The following USP32 variants were observed in gnomAD, a reference collection of about 807,000 sequenced individuals.
USP32 encodes the protein ubiquitin specific peptidase 32, also known as ubiquitin carboxyl-terminal hydrolase 32.
Under a neutral mutation model 204.8 loss-of-function variants are expected in USP32, and 59 were observed. The observed-to-expected ratio is 0.29, with a 90% CI of 0.23 to 0.36. The LOEUF (loss-of-function observed/expected upper bound fraction) is 0.36, where lower values mean the gene tolerates loss of function less well. USP32 is among the 10% of genes least tolerant of loss of function. The pLI is 1.00. For missense variants in USP32, 1,160 were observed against 1,946.4 expected, an observed-to-expected ratio of 0.60 and a Z score of 7.60; for synonymous variants, 517 against 678.4, an observed-to-expected ratio of 0.76 and a Z score of 3.70.
At chr17:60,331,868 C>T (rs1183917709) in intron 2 of USP32, among the ~76,000 whole-genome samples, 1 of 147,796 alleles carries the variant, frequency 6.8e-6, no homozygotes, top group Non-Finnish European at 1.5e-5. Context: ...CACTGTACTC[C>T]AGCCTGGCCA....
chr17:60,316,844 A>AAAAC (rs753384170), intron 2 of USP32, among the ~76,000 whole-genome samples: 22 of 152,104 alleles, frequency 1.4e-4, no homozygotes, highest in Non-Finnish European at 5.9e-5. Flanking sequence ...TTGACTCATA[A>AAAAC]AAACAAACAA....
chr17:60,182,934 G>A (rs2084150653), intron 31 of USP32, among the ~76,000 whole-genome samples: 1 of 152,164 alleles, frequency 6.6e-6, no homozygotes, highest in African/African-American at 2.4e-5. Flanking sequence ...CTCTCCATGT[G>A]TCACTCTCAA....
intron 1 of USP32, among the ~76,000 whole-genome samples, chr17:60,384,854 T>C (rs1450880793): frequency 6.6e-6 from 1 of 151,488 alleles, no homozygotes; most frequent in African/African-American, 2.4e-5. Context: ...ACGCCTGTAA[T>C]TCCAGCATTT....
chr17:60,418,558 C>A (rs2090080612), intron 1 of USP32, among the ~76,000 whole-genome samples: 1 of 151,964 alleles, frequency 6.6e-6, no homozygotes, highest in South Asian at 2.1e-4. Context: ...AATAAATTAT[C>A]AATAGAGTAA....
At chr17:60,205,775 A>T in intron 25 of USP32, 117 bp from the exon 26 acceptor site, 2 of 1,121,016 alleles carry the variant, frequency 1.8e-6, no homozygotes. Context: ...GGCAGGGAGA[A>T]ATCACAGTAT....
chr17:60,392,712 C>T (rs868258025), upstream of USP32: 28 of 424,358 alleles, frequency 6.6e-5, no homozygotes, highest in Middle Eastern at 2.0e-3. Context: ...AAAGGAGAAT[C>T]TCAAGGCTTT....
intron 5 of USP32, among the ~76,000 whole-genome samples, chr17:60,274,696 A>AT (rs530538686): frequency 1.4e-3 from 203 of 149,474 alleles, no homozygotes; most frequent in Middle Eastern, 3.5e-3. Context: ...CAAAGTACAG[A>AT]TTTTTTTTTT....
chr17:60,228,220 T>G (rs891927573), intron 12 of USP32, among the ~76,000 whole-genome samples: 1 of 152,120 alleles, frequency 6.6e-6, no homozygotes, highest in Admixed American at 6.6e-5. Flanking sequence ...AGACAGGGTT[T>G]CACCATGCTG....
chr17:60,366,747 G>T (rs889237547), intron 1 of USP32, among the ~76,000 whole-genome samples: 86 of 145,208 alleles, frequency 5.9e-4, no homozygotes, highest in Non-Finnish European at 1.1e-3. Flanking sequence ...AAAAAAGTTG[G>T]TTTTTTTTTT....
At chr17:60,392,535 A>C (rs2089860929), upstream of USP32, 1 of 381,416 alleles carries the variant, frequency 2.6e-6, no homozygotes, top group Non-Finnish European at 5.3e-6. Flanking sequence ...GGGTCCGAGC[A>C]GCTGACGGTT....
rs1285177658 is a variant in USP32, at chr17:60,194,140, C to T, written c.3435-1210G>A. Among the ~76,000 whole-genome samples, 5 of 152,062 alleles carry T rather than the reference C, an allele frequency of 3.3e-5. No homozygotes were observed. The East Asian group carries it at 9.7e-4, about 29-fold the overall frequency. On this transcript the variant is annotated intron_variant, in intron 27 of 33. Transcript: ENST00000300896. ...TCACAGCAGCCTCCACCTTTCTGGG[C>T]TCAGGTGATCCTCCCACATCAGCCT...
intron 5 of USP32, among the ~76,000 whole-genome samples, chr17:60,278,348 T>C (rs2086888866): frequency 6.6e-6 from 1 of 152,096 alleles, no homozygotes; most frequent in East Asian, 1.9e-4. Flanking sequence ...AACTGATCAT[T>C]TTCATCTAGT....
chr17:60,223,594 A>G lies in USP32; in HGVS notation c.1433-8T>C, dbSNP rs1247258094. Reference sequence around the variant, plus strand: ...TGGCAGAATACAGAAAGCCTATAAAAAAAAAAGAGGATAGAATCTCTTATT... The same window carrying G: ...TGGCAGAATACAGAAAGCCTATAAAGAAAAAAGAGGATAGAATCTCTTATT... On this transcript the variant is annotated splice_polypyrimidine_tract_variant and splice_region_variant and intron_variant, in intron 13 of 33. Coordinates refer to ENST00000300896, the MANE Select transcript of USP32 (RefSeq NM_032582.4). 2 of 1,578,682 alleles carry G rather than the reference A, an allele frequency of 1.3e-6. No homozygotes were observed. The highest frequency in any genetic ancestry group is 2.1e-5 in the Admixed American group (1 of 47,556).
intron 2 of USP32, among the ~76,000 whole-genome samples, chr17:60,309,753 A>G (rs2087810314): frequency 6.6e-6 from 1 of 152,146 alleles, no homozygotes; most frequent in South Asian, 2.1e-4. Flanking sequence ...CATTATATCG[A>G]AAAGCAGGCA....
At chr17:60,231,706 T>A in intron 12 of USP32, 1 of 429,070 alleles carries the variant, frequency 2.3e-6, no homozygotes, top group Non-Finnish European at 4.8e-6. Flanking sequence ...AATAGGAAAA[T>A]CTGCATGTGA....
chr17:60,185,228 C>T (rs547570253), intron 30 of USP32, among the ~76,000 whole-genome samples: 8 of 152,346 alleles, frequency 5.3e-5, no homozygotes, highest in Admixed American at 1.3e-4. Context: ...ATTGCAGTTA[C>T]TGGTCTACAT....
chr17:60,245,447 G>A (rs1360352621), intron 11 of USP32: 6 of 354,338 alleles, frequency 1.7e-5, no homozygotes, highest in Admixed American at 9.9e-5. Context: ...TTGACATTGC[G>A]GACCAGGAAA....
chr17:60,349,624 TTATA>T (rs1318566015), intron 1 of USP32, among the ~76,000 whole-genome samples: 75 of 60,246 alleles, frequency 1.2e-3, no homozygotes, highest in African/African-American at 2.4e-3. Flanking sequence ...TATATATATA[TTATA>T]TATATATATA....
intron 1 of USP32, among the ~76,000 whole-genome samples, chr17:60,387,529 C>G (rs377556401): frequency 1.3e-5 from 2 of 152,180 alleles, no homozygotes; most frequent in East Asian, 3.8e-4. Context: ...ATAAGCTAAT[C>G]ATTTATAAAT....
Sources: gnomAD v4.1 joint callset for allele counts (sites outside exome capture counted in the v4.1 genomes callset) on GRCh38, gnomAD v4.1.1 for gene constraint, MANE v1.5 for transcripts, NCBI Gene and HGNC (gene_info 2026-07-23, HGNC 2026-07-21) for gene names.